Variants in FSIP1 observed in about 807,000 individuals in gnomAD.
The protein encoded by FSIP1 is fibrous sheath interacting protein 1.
A neutral mutation model predicts 60.9 loss-of-function variants in FSIP1; 65 were observed. The ratio of observed to expected loss-of-function variants is 1.07; its 90% confidence interval spans 0.87 to 1.31. The LOEUF is 1.31. FSIP1 is among the 40% of genes most tolerant of loss of function. FSIP1 has a pLI of 0.00. For missense variants in FSIP1, 675 were observed against 665.5 expected, an observed-to-expected ratio of 1.01 and a Z score of -0.16; for synonymous variants, 209 against 221.2, an observed-to-expected ratio of 0.94 and a Z score of 0.49.
At chr15:39,672,490 G>A (rs1297658264) in intron 10 of FSIP1, among the ~76,000 whole-genome samples, 1 of 152,144 alleles carries the variant, frequency 6.6e-6, no homozygotes, top group Non-Finnish European at 1.5e-5. Flanking sequence ...GAATATTTTG[G>A]CACTGCGGTT....
At chr15:39,743,876 A>G (rs1035036317) in intron 5 of FSIP1, among the ~76,000 whole-genome samples, 2 of 152,208 alleles carry the variant, frequency 1.3e-5, no homozygotes, top group Non-Finnish European at 2.9e-5. Flanking sequence ...CCCAAACTAG[A>G]GGACATGCTA....
intron 10 of FSIP1, among the ~76,000 whole-genome samples, chr15:39,621,819 A>T (rs1395337404): frequency 6.6e-6 from 1 of 152,240 alleles, no homozygotes; most frequent in Non-Finnish European, 1.5e-5. Context: ...AAATTAATTT[A>T]ATTTGCTTCT....
chr15:39,661,898 C>A (rs79243257), intron 10 of FSIP1, among the ~76,000 whole-genome samples: 6,303 of 152,274 alleles, frequency 0.041, 194 homozygotes, highest in Middle Eastern at 0.082. Context: ...ATTCAGGAGC[C>A]TGCTCTCCTG....
intron 8 of FSIP1, among the ~76,000 whole-genome samples, chr15:39,735,177 ATG>A (rs1896560017): frequency 6.6e-6 from 1 of 152,224 alleles, no homozygotes; most frequent in African/African-American, 2.4e-5. Flanking sequence ...AATTACAGTT[ATG>A]TGTCGCTTAA....
Position 39,654,962 on chromosome 15 carries a change from T to C in FSIP1, c.1189-36717A>G, listed in dbSNP as rs531180165. 4.6e-5 allele frequency among the ~76,000 whole-genome samples: 7 copies of C among 152,336 alleles called. No homozygotes were observed. The East Asian group carries it at 1.3e-3, about 29-fold the overall frequency. On this transcript the variant is annotated intron_variant, in intron 10 of 11. Transcript: ENST00000350221. ...AAAGACACACCAGCTGATAAAAACATGGTTTCTCCAATAATCAGTTAAAAA... is the reference window on the plus strand; with the variant it reads ...AAAGACACACCAGCTGATAAAAACACGGTTTCTCCAATAATCAGTTAAAAA...
intron 10 of FSIP1, among the ~76,000 whole-genome samples, chr15:39,695,245 T>C (rs1894768070): frequency 6.6e-6 from 1 of 151,992 alleles, no homozygotes; most frequent in African/African-American, 2.4e-5. Flanking sequence ...CTTTGGTGTT[T>C]AATTGCCTTT....
intron 5 of FSIP1, 88 bp downstream of exon 5, chr15:39,763,733 A>G: frequency 1.4e-6 from 1 of 736,330 alleles, no homozygotes; most frequent in Non-Finnish European, 2.4e-6. Context: ...AGAACAGGAC[A>G]GAAAAACTGG....
chr15:39,695,860 T>A (rs766545850), intron 10 of FSIP1, among the ~76,000 whole-genome samples: 4 of 152,172 alleles, frequency 2.6e-5, no homozygotes, highest in Non-Finnish European at 5.9e-5. Context: ...AAGAAAAAAA[T>A]TACATTCCTC....
At chr15:39,623,526 G>C (rs114032924) in intron 10 of FSIP1, among the ~76,000 whole-genome samples, 27 of 152,236 alleles carry the variant, frequency 1.8e-4, no homozygotes, top group African/African-American at 6.5e-4. Flanking sequence ...TTCCAAATAA[G>C]CAACTAAAAA....
chr15:39,709,512 T>C (rs1006338248), intron 10 of FSIP1, among the ~76,000 whole-genome samples: 4 of 152,232 alleles, frequency 2.6e-5, no homozygotes, highest in Non-Finnish European at 5.9e-5. Context: ...ATACTATATA[T>C]TACAAATAAC....
chr15:39,749,287 G>A (rs1233715953), intron 5 of FSIP1, among the ~76,000 whole-genome samples: 1 of 72,714 alleles, frequency 1.4e-5, no homozygotes, highest in African/African-American at 7.4e-5. Flanking sequence ...CCAGGCTAGA[G>A]GGGATACTTT....
intron 4 of FSIP1, among the ~76,000 whole-genome samples, 186 bp downstream of exon 4, chr15:39,765,406 A>G (rs1897649700): frequency 6.6e-6 from 1 of 151,784 alleles, no homozygotes; most frequent in Non-Finnish European, 1.5e-5. Flanking sequence ...ATGCCTGGCT[A>G]ATTTTTTAGG....
chr15:39,758,063 T>G (rs1035952600), intron 5 of FSIP1, among the ~76,000 whole-genome samples: 1 of 152,146 alleles, frequency 6.6e-6, no homozygotes, highest in Non-Finnish European at 1.5e-5. Context: ...TTAATTTCCA[T>G]GTTAGAACAT....
At chr15:39,632,979 T>A (rs1210164027) in intron 10 of FSIP1, among the ~76,000 whole-genome samples, 4 of 151,776 alleles carry the variant, frequency 2.6e-5, no homozygotes, top group Non-Finnish European at 5.9e-5. Context: ...AGCATAAAAA[T>A]GAAAACACAG....
intron 10 of FSIP1, among the ~76,000 whole-genome samples, chr15:39,629,913 T>A (rs1269859077): frequency 6.6e-6 from 1 of 152,224 alleles, no homozygotes; most frequent in Non-Finnish European, 1.5e-5. Context: ...ACAAATTTCA[T>A]CAGATCTGAT....
intron 8 of FSIP1, among the ~76,000 whole-genome samples, chr15:39,729,478 G>A (rs1896322405): frequency 1.3e-5 from 2 of 152,176 alleles, no homozygotes; most frequent in Admixed American, 1.3e-4. Context: ...GGAGGCTGAG[G>A]TGGGAGGATC....
Position 39,600,741 on chromosome 15 carries a change from C to A in FSIP1, c.*139G>T. Reference sequence around the variant, plus strand: ...CTCAAAAATATCAAGGAAATATAATCCACAAAGAGCGACTCCAAATGTCAA... The same window carrying A: ...CTCAAAAATATCAAGGAAATATAATACACAAAGAGCGACTCCAAATGTCAA... On this transcript the variant is annotated 3_prime_UTR_variant, in exon 12 of 12. Transcript: ENST00000350221. The A allele has an allele frequency of 1.7e-6, 1 of 591,334 alleles. No individual in the cohort carries two copies. Among genetic ancestry groups the A allele is most frequent in the Non-Finnish European group, 2.9e-6 (1 of 347,304 alleles). The allele number at this position is 591,334 out of a possible 1,614,324, so 36.6% of individuals were successfully genotyped here. A position where few individuals can be genotyped will look rare whatever the true frequency, so the allele number is the denominator to read the frequency against.
intron 10 of FSIP1, among the ~76,000 whole-genome samples, chr15:39,635,115 C>A (rs899782346): frequency 6.6e-6 from 1 of 152,148 alleles, no homozygotes; most frequent in African/African-American, 2.4e-5. Flanking sequence ...GCGGGCGGAT[C>A]ACAAGGTCAG....
At chr15:39,776,037 A>G (rs528105474) in intron 2 of FSIP1, among the ~76,000 whole-genome samples, 1 of 151,374 alleles carries the variant, frequency 6.6e-6, no homozygotes, top group African/African-American at 2.4e-5. Context: ...CTTCCTTATA[A>G]AGAAAAAAAG....
Sources: allele counts gnomAD v4.1 joint callset (sites outside exome capture counted in the v4.1 genomes callset), GRCh38; gene constraint gnomAD v4.1.1; transcripts MANE v1.5; gene names NCBI Gene and HGNC (gene_info 2026-07-23, HGNC 2026-07-21).